The following ERBB4 variants were observed in gnomAD, a reference collection of about 807,000 sequenced individuals.
ERBB4 encodes the protein erb-b2 receptor tyrosine kinase 4, also known as receptor tyrosine-protein kinase erbB-4.
A neutral mutation model predicts 158.0 loss-of-function variants in ERBB4; 42 were observed. The observed-to-expected ratio is 0.27, with a 90% CI of 0.21 to 0.34. The LOEUF is 0.34. Among genes scored for constraint, ERBB4 ranks in the 10% least tolerant of loss-of-function variants. The pLI, the probability that ERBB4 is intolerant of heterozygous loss-of-function variation, is 1.00. For synonymous variants in ERBB4, 583 were observed against 558.7 expected, an observed-to-expected ratio of 1.04 and a Z score of -0.61; for missense variants, 1,333 against 1,624.1, an observed-to-expected ratio of 0.82 and a Z score of 3.08.
chr2:212,324,331 C>A (rs1447102270), intron 1 of ERBB4, among the ~76,000 whole-genome samples: 5 of 150,620 alleles, frequency 3.3e-5, no homozygotes, highest in African/African-American at 1.2e-4. Context: ...GTGATGATGT[C>A]ATGGACTGAA....
Position 212,124,851 on chromosome 2 carries a change from C to T in ERBB4, c.135G>A (p.Gln45=), listed in dbSNP as rs776609107. The T allele has an allele frequency of 1.2e-6, 2 of 1,614,194 alleles. No individual in the cohort carries two copies. Among genetic ancestry groups the T allele is most frequent in the Admixed American group, 3.3e-5 (2 of 60,026 alleles). ...CATAGTACTTGCGCAAGGCTCGGTACTGCTGTTCCAGGTCAGAGAGAGAGC... is the reference window on the plus strand; with the variant it reads ...CATAGTACTTGCGCAAGGCTCGGTATTGCTGTTCCAGGTCAGAGAGAGAGC... ...KLSSLSDLEQ[Q]YRALRKYYEN... The change falls in exon 2 of 28, where the codon CAG becomes CAA. Residue 45 remains glutamine, a synonymous_variant. Coordinates refer to ENST00000342788, the MANE Select transcript of ERBB4 (RefSeq NM_005235.3).
At position 212,124,840 on chromosome 2, in the gene ERBB4, A is replaced by G. The variant is rs1251265863; in HGVS notation, c.146T>C (p.Leu49Ser). The change falls in exon 2 of 28, where the codon TTG (leucine) becomes TCG (serine). Residue 49 changes from leucine (L) to serine (S), a missense_variant. Around this residue, in one of 5 missense-constraint regions of ERBB4, gnomAD observed 438 missense variants for 586.9 expected, o/e 0.75. Transcript: ENST00000342788. Reference protein sequence around the residue: ...LSDLEQQYRALRKYYENCEVV... With the variant: ...LSDLEQQYRASRKYYENCEVV... The stretch of plus-strand genomic sequence containing the variant: ...CTCACAGTTTTCATAGTACTTGCGC[A>G]AGGCTCGGTACTGCTGTTCCAGGTC... The G allele has an allele frequency of 6.2e-7, 1 of 1,614,132 alleles. No individual in the cohort carries two copies. Among genetic ancestry groups the G allele is most frequent in the South Asian group, 1.1e-5 (1 of 91,082 alleles).
intron 1 of ERBB4, among the ~76,000 whole-genome samples, chr2:212,290,296 G>A (rs1574611080): frequency 2.6e-5 from 4 of 152,176 alleles, no homozygotes; most frequent in Admixed American, 2.6e-4. Flanking sequence ...GACCAGTATC[G>A]TTCCAACGAC....
At chr2:211,430,783 C>T (rs1486626197) in intron 21 of ERBB4, among the ~76,000 whole-genome samples, 162 bp downstream of exon 21, 1 of 151,144 alleles carries the variant, frequency 6.6e-6, no homozygotes, top group Non-Finnish European at 1.5e-5. Context: ...TATATACACA[C>T]ACATATATAT....
intron 2 of ERBB4, among the ~76,000 whole-genome samples, chr2:211,966,535 C>T (rs998848740): frequency 2.0e-5 from 3 of 152,068 alleles, no homozygotes; most frequent in African/African-American, 7.2e-5. Flanking sequence ...CCACTGCACC[C>T]GGACTTAAAT....
intron 1 of ERBB4, among the ~76,000 whole-genome samples, chr2:212,476,604 T>C (rs1036934833): frequency 6.6e-6 from 1 of 152,296 alleles, no homozygotes. Flanking sequence ...TTAGATTGTA[T>C]GTCTCAGTTT....
At chr2:211,958,546 T>C (rs1183297492) in intron 2 of ERBB4, among the ~76,000 whole-genome samples, 1 of 152,142 alleles carries the variant, frequency 6.6e-6, no homozygotes, top group Non-Finnish European at 1.5e-5. Context: ...ACCTCTGTTT[T>C]ATAAATGAAG....
intron 2 of ERBB4, among the ~76,000 whole-genome samples, chr2:212,043,377 G>GA (rs918532789): frequency 2.5e-4 from 38 of 152,050 alleles, no homozygotes; most frequent in African/African-American, 7.7e-4. Context: ...AATTGTGCTA[G>GA]AAAAATGAAG....
At chr2:211,514,311 C>G (rs1486969968) in intron 20 of ERBB4, among the ~76,000 whole-genome samples, 1 of 152,090 alleles carries the variant, frequency 6.6e-6, no homozygotes, top group Non-Finnish European at 1.5e-5. Flanking sequence ...TAATGTCTCA[C>G]TGCAACTGAA....
At chr2:211,666,724 C>G (rs922499485) in intron 14 of ERBB4, among the ~76,000 whole-genome samples, 5 of 152,134 alleles carry the variant, frequency 3.3e-5, no homozygotes, top group African/African-American at 9.7e-5. Context: ...CTTAAAATTC[C>G]TCTCCTCTTT....
intron 2 of ERBB4, among the ~76,000 whole-genome samples, chr2:211,971,558 C>T (rs374268641): frequency 6.6e-6 from 1 of 152,076 alleles, no homozygotes; most frequent in Admixed American, 6.6e-5. Flanking sequence ...TTCTATGAGA[C>T]CAGTATCATC....
At chr2:211,399,791 A>C (rs1342763775) in intron 25 of ERBB4, among the ~76,000 whole-genome samples, 1 of 152,156 alleles carries the variant, frequency 6.6e-6, no homozygotes, top group Non-Finnish European at 1.5e-5. Flanking sequence ...GGAGACCTAG[A>C]GAACCAGGGT....
chr2:211,495,438 G>A (rs1303573070), intron 20 of ERBB4, among the ~76,000 whole-genome samples: 1 of 152,054 alleles, frequency 6.6e-6, no homozygotes, highest in Non-Finnish European at 1.5e-5. Context: ...ATAAGGATAT[G>A]TAAAAACAAC....
rs2062613689 is a variant in ERBB4, at chr2:211,383,511, C to T, written c.*104G>A. On this transcript the variant is annotated 3_prime_UTR_variant, in exon 28 of 28. Transcript: ENST00000342788. ...CTCTGTATCTTCCACTGGGAAGTGT[C>T]AAAACTACTGGCCTTGGGGTAGAAG... is the stretch of plus-strand genomic sequence containing the variant. 1.1e-6 allele frequency: 1 copy of T among 923,788 alleles called. No homozygotes were observed. The highest frequency in any genetic ancestry group is 1.8e-6 in the Non-Finnish European group (1 of 567,916). The allele number at this position is 923,788 out of a possible 1,614,324, so 57.2% of individuals were successfully genotyped here. A position where few individuals can be genotyped will look rare whatever the true frequency, so the allele number is the denominator to read the frequency against.
intron 3 of ERBB4, among the ~76,000 whole-genome samples, chr2:211,882,819 G>C (rs2078698613): frequency 6.6e-6 from 1 of 152,016 alleles, no homozygotes; most frequent in Admixed American, 6.6e-5. Flanking sequence ...CAGAAGACTT[G>C]GAATCAACAT....
At chr2:212,329,731 G>A (rs2088041056) in intron 1 of ERBB4, among the ~76,000 whole-genome samples, 1 of 152,002 alleles carries the variant, frequency 6.6e-6, no homozygotes, top group South Asian at 2.1e-4. Flanking sequence ...GCTTCTGCTG[G>A]CCTAGTGTCA....
At chr2:212,355,289 G>T (rs962638403) in intron 1 of ERBB4, among the ~76,000 whole-genome samples, 1 of 151,946 alleles carries the variant, frequency 6.6e-6, no homozygotes, top group Non-Finnish European at 1.5e-5. Flanking sequence ...AGACCCTAGG[G>T]TTTTGTACTA....
chr2:212,521,925 G>A (rs868271804), intron 1 of ERBB4, among the ~76,000 whole-genome samples: 2 of 151,902 alleles, frequency 1.3e-5, no homozygotes, highest in African/African-American at 2.4e-5. Flanking sequence ...TAAGTTAGAA[G>A]AGTGGCACCT....
At chr2:212,454,202 G>A (rs1372261230) in intron 1 of ERBB4, among the ~76,000 whole-genome samples, 3 of 152,088 alleles carry the variant, frequency 2.0e-5, no homozygotes, top group African/African-American at 7.2e-5. Context: ...GCCTCCCAAA[G>A]TGTTGGAATT....
Sources: gnomAD v4.1 joint callset for allele counts (sites outside exome capture counted in the v4.1 genomes callset) on GRCh38, gnomAD v4.1.1 for gene constraint, gnomAD v4.1.1 regional missense constraint, MANE v1.5 for transcripts, NCBI Gene and HGNC (gene_info 2026-07-23, HGNC 2026-07-21) for gene names.